GNG2: variants seen among roughly 807,000 people sequenced by gnomAD.
GNG2 encodes the protein guanine nucleotide-binding protein G(I)/G(S)/G(O) subunit gamma-2.
In GNG2, 5 loss-of-function variants were observed where a neutral mutation model predicts 5.5. That is an observed-to-expected ratio of 0.91 (90% CI 0.48 to 1.92). The LOEUF (loss-of-function observed/expected upper bound fraction) is 1.92, where lower values mean the gene tolerates loss of function less well. Ranked by LOEUF, GNG2 falls within the 30% of genes most tolerant of loss-of-function variation. GNG2 has a pLI of 0.01. For missense variants in GNG2, 55 were observed against 88.4 expected, an observed-to-expected ratio of 0.62 and a Z score of 1.52; for synonymous variants, 28 against 32.0, an observed-to-expected ratio of 0.88 and a Z score of 0.42.
chr14:51,909,007 A>G (rs1387181407), intron 2 of GNG2, among the ~76,000 whole-genome samples: 2 of 152,146 alleles, frequency 1.3e-5, no homozygotes, highest in African/African-American at 2.4e-5. Flanking sequence ...TAAACTTCTT[A>G]TATAACCATA....
chr14:51,929,330 A>G (rs905927918), intron 2 of GNG2, among the ~76,000 whole-genome samples: 10 of 152,158 alleles, frequency 6.6e-5, no homozygotes, highest in African/African-American at 2.2e-4. Context: ...TCTACCCCCG[A>G]TGGTGGATGC....
At chr14:51,856,594 G>A (rs149221861), upstream of GNG2, among the ~76,000 whole-genome samples, 3,407 of 152,062 alleles carry the variant, frequency 0.022, 113 homozygotes, top group African/African-American at 0.071. Flanking sequence ...CACTACACCC[G>A]GCTTATTTTT....
intron 1 of GNG2, among the ~76,000 whole-genome samples, chr14:51,862,950 TGAG>T (rs1356482188): frequency 1.6e-4 from 24 of 151,242 alleles, no homozygotes; most frequent in Admixed American, 1.6e-3. Context: ...CACTGGCTTT[TGAG>T]GAGTAGACCA....
At chr14:51,899,554 A>G (rs1372249283) in intron 2 of GNG2, among the ~76,000 whole-genome samples, 2 of 152,198 alleles carry the variant, frequency 1.3e-5, no homozygotes, top group African/African-American at 4.8e-5. Flanking sequence ...TCATCCATCT[A>G]CAGAGCTCTT....
chr14:51,847,748 CA>C (rs1427489828), intron 2 of GNG2, among the ~76,000 whole-genome samples: 11 of 152,070 alleles, frequency 7.2e-5, no homozygotes, highest in Non-Finnish European at 1.5e-4. Context: ...TTTGGAGAGT[CA>C]AATTACCAAG....
chr14:51,939,340 G>A (rs1349595449), intron 2 of GNG2, among the ~76,000 whole-genome samples: 4 of 152,066 alleles, frequency 2.6e-5, no homozygotes, highest in African/African-American at 4.8e-5. Flanking sequence ...GTCATTTTTC[G>A]AGGACTCTGT....
intron 2 of GNG2, among the ~76,000 whole-genome samples, chr14:51,934,575 G>A (rs553823648): frequency 3.1e-4 from 47 of 152,178 alleles, no homozygotes; most frequent in Non-Finnish European, 5.4e-4. Flanking sequence ...GGCCCGGGGG[G>A]AAATGACTCA....
In GNG2 at chr14:51,882,374, C is replaced by T. The variant is rs78729607; in HGVS notation, c.-30+4717C>T. Among the ~76,000 whole-genome samples, 25 of 152,216 alleles carry T rather than the reference C, an allele frequency of 1.6e-4. No individual in the cohort carries two copies. In the East Asian group the frequency reaches 3.3e-3, roughly 20 times the overall value. ...TCAAATTCTGGAAAAAGTGTGAATC[C>T]GTTTTAATACACTCATGTTAAATTT... On this transcript the variant is annotated intron_variant, in intron 2 of 3. Coordinates refer to ENST00000556766, the MANE Select transcript of GNG2 (RefSeq NM_053064.5).
chr14:51,965,975 G>A (rs953684865), intron 3 of GNG2, among the ~76,000 whole-genome samples: 5 of 151,966 alleles, frequency 3.3e-5, no homozygotes, highest in African/African-American at 9.7e-5. Context: ...TTCGGAAGCC[G>A]AGACAGGTGG....
chr14:51,935,827 T>C (rs1420862749), intron 2 of GNG2, among the ~76,000 whole-genome samples: 1 of 152,136 alleles, frequency 6.6e-6, no homozygotes, highest in East Asian at 1.9e-4. Context: ...GCAAGTCACA[T>C]GGCCAGAGAG....
At chr14:51,892,559 C>A (rs928119104) in intron 2 of GNG2, among the ~76,000 whole-genome samples, 1 of 152,156 alleles carries the variant, frequency 6.6e-6, no homozygotes, top group South Asian at 2.1e-4. Flanking sequence ...TCAGCCTACT[C>A]CCAAAGTGCC....
chr14:51,853,854 T>A (rs929762152), intron 2 of GNG2, among the ~76,000 whole-genome samples: 3 of 152,106 alleles, frequency 2.0e-5, no homozygotes, highest in Non-Finnish European at 4.4e-5. Context: ...CTCTTCTTGA[T>A]CTTGTTGCCC....
Position 51,966,842 on chromosome 14 carries a change from C to A in GNG2, c.*155C>A, listed in dbSNP as rs900876275. The A allele has an allele frequency of 1.5e-5, 9 of 597,110 alleles. No homozygotes were observed. The Admixed American group carries it at 2.0e-4, about 14-fold the overall frequency. The allele number at this position is 597,110 out of a possible 1,614,324, so 37.0% of individuals were successfully genotyped here. ...TATGCATGTTTAAAGATCTGGTCCC[C>A]TTTATGAGAATGCAAGCCGATCCAC... On this transcript the variant is annotated 3_prime_UTR_variant, in exon 4 of 4. Coordinates refer to ENST00000556766, the MANE Select transcript of GNG2 (RefSeq NM_053064.5).
At chr14:51,903,013 C>T (rs557753260) in intron 2 of GNG2, among the ~76,000 whole-genome samples, 1 of 152,260 alleles carries the variant, frequency 6.6e-6, no homozygotes, top group South Asian at 2.1e-4. Context: ...TTATTATAAG[C>T]AATCAGGGAT....
intron 2 of GNG2, among the ~76,000 whole-genome samples, chr14:51,906,467 A>G (rs886963855): frequency 6.6e-6 from 1 of 152,218 alleles, no homozygotes; most frequent in African/African-American, 2.4e-5. Context: ...GAATGCCATT[A>G]TATCTTAGTG....
chr14:51,893,207 T>C (rs1884976363), intron 2 of GNG2, among the ~76,000 whole-genome samples: 1 of 152,216 alleles, frequency 6.6e-6, no homozygotes, highest in Admixed American at 6.5e-5. Context: ...TCTTAAAAGG[T>C]TGTAGCAATT....
At chr14:51,877,780 G>A in intron 2 of GNG2, 123 bp downstream of exon 2, 1 of 322,594 alleles carries the variant, frequency 3.1e-6, no homozygotes, top group East Asian at 8.5e-5. Context: ...AACAGTCATA[G>A]AGTCCTTATC....
intron 2 of GNG2, among the ~76,000 whole-genome samples, chr14:51,843,080 A>G (rs1249927877): frequency 6.6e-6 from 1 of 152,216 alleles, no homozygotes; most frequent in Non-Finnish European, 1.5e-5. Context: ...AGAAGAGACT[A>G]ACAACCCAAT....
upstream of GNG2, among the ~76,000 whole-genome samples, chr14:51,859,650 A>G (rs1882332522): frequency 6.6e-6 from 1 of 152,242 alleles, no homozygotes; most frequent in Admixed American, 6.5e-5. Context: ...TAGATGTTAA[A>G]TAATTTGCCC....
Sources: allele counts gnomAD v4.1 joint callset (sites outside exome capture counted in the v4.1 genomes callset), GRCh38; gene constraint gnomAD v4.1.1; transcripts MANE v1.5; gene names NCBI Gene and HGNC (gene_info 2026-07-23, HGNC 2026-07-21).